Variants in DLG1 observed in about 807,000 individuals in gnomAD.
The protein encoded by DLG1 is disks large homolog 1.
DLG1 carries 42 observed loss-of-function variants against 123.4 expected under a neutral mutation model. The ratio of observed to expected loss-of-function variants is 0.34; its 90% CI spans 0.27 to 0.44. DLG1 has a LOEUF of 0.44. DLG1 is among the 20% of genes least tolerant of loss of function. DLG1 has a pLI of 1.00. For missense variants in DLG1, 942 were observed against 1,082.6 expected (o/e 0.87, Z 1.82); for synonymous variants, 317 against 356.2 (o/e 0.89, Z 1.24).
upstream of DLG1, chr3:197,298,919 G>T: frequency 4.4e-6 from 1 of 227,664 alleles, no homozygotes; most frequent in East Asian, 8.7e-5. Flanking sequence ...ACTTAAGGGT[G>T]GGCAGAGAAG....
At chr3:197,116,327 GA>G (rs143093283) in intron 12 of DLG1, among the ~76,000 whole-genome samples, 1 of 151,294 alleles carries the variant, frequency 6.6e-6, no homozygotes, top group South Asian at 2.1e-4. Context: ...AACCAAAACA[GA>G]AAAAAAACGT....
intron 4 of DLG1, among the ~76,000 whole-genome samples, chr3:197,202,855 A>G (rs985228130): frequency 6.6e-6 from 1 of 152,226 alleles, no homozygotes; most frequent in Non-Finnish European, 1.5e-5. Flanking sequence ...ATTACTTTAA[A>G]TAAGTCTGCA....
At chr3:197,215,100 C>T (rs551785479) in intron 4 of DLG1, among the ~76,000 whole-genome samples, 10 of 152,080 alleles carry the variant, frequency 6.6e-5, no homozygotes, top group African/African-American at 1.4e-4. Flanking sequence ...GTGATAGCAG[C>T]GAAACTTGTT....
At chr3:197,228,749 T>G (rs1741269016) in intron 4 of DLG1, among the ~76,000 whole-genome samples, 1 of 152,192 alleles carries the variant, frequency 6.6e-6, no homozygotes, top group Admixed American at 6.5e-5. Context: ...CAAATCAATA[T>G]CCCAGATACA....
intron 10 of DLG1, among the ~76,000 whole-genome samples, chr3:197,134,172 T>C (rs6803606): frequency 0.28 from 42,724 of 152,048 alleles, 6,410 homozygotes; most frequent in Middle Eastern, 0.38. Context: ...GTGGTGATCT[T>C]AGCTGTGAAA....
chr3:197,067,359 A>C (rs1740310521), intron 19 of DLG1, among the ~76,000 whole-genome samples: 1 of 152,130 alleles, frequency 6.6e-6, no homozygotes, highest in Non-Finnish European at 1.5e-5. Flanking sequence ...AATCCTTCCA[A>C]GAAAATAAAC....
chr3:197,107,232 G>A (rs941611204), intron 13 of DLG1, among the ~76,000 whole-genome samples: 6 of 152,002 alleles, frequency 3.9e-5, no homozygotes, highest in South Asian at 2.1e-4. Flanking sequence ...TAAATAATGC[G>A]CCACTAAAAT....
Position 197,128,681 on chromosome 3 carries a change from A to G in DLG1, c.1165+1846T>C, listed in dbSNP as rs1161496709. ...TATAAAATGTATTTCTTAAATAGTA[A>G]GACTTGAAAGTCAAAATTATTCCTT... On this transcript the variant is annotated intron_variant, in intron 11 of 24. Coordinates refer to ENST00000667157, the MANE Select transcript of DLG1 (RefSeq NM_001366207.1). 2.0e-5 allele frequency among the ~76,000 whole-genome samples: 3 copies of G among 152,246 alleles called. No homozygotes were observed. In the East Asian group the frequency reaches 5.8e-4, roughly 29 times the overall value.
At chr3:197,225,394 G>A (rs577432032) in intron 4 of DLG1, among the ~76,000 whole-genome samples, 4 of 152,172 alleles carry the variant, frequency 2.6e-5, no homozygotes, top group African/African-American at 9.6e-5. Context: ...GGTTCTTTTG[G>A]TGTTTATTTT....
At chr3:197,250,965 A>G (rs535725237) in intron 4 of DLG1, among the ~76,000 whole-genome samples, 48 of 147,952 alleles carry the variant, frequency 3.2e-4, no homozygotes, top group African/African-American at 1.2e-3. Context: ...CCTGGGCAAC[A>G]GAGCAAGACT....
intron 4 of DLG1, among the ~76,000 whole-genome samples, chr3:197,225,036 A>C (rs1157818067): frequency 6.6e-6 from 1 of 152,216 alleles, no homozygotes; most frequent in African/African-American, 2.4e-5. Context: ...GGCTCACTGC[A>C]AGCTCCGCCT....
chr3:197,130,594 A>G lies in DLG1; in HGVS notation c.1098T>C (p.Tyr366=), dbSNP rs771060112. 1.9e-6 allele frequency: 3 copies of G among 1,612,382 alleles called. No homozygotes were observed. In the African/African-American group the frequency reaches 4.0e-5, roughly 22 times the overall value. Residue 366 remains tyrosine, a synonymous_variant, in exon 11 of 25, where the codon TAT becomes TAC. Coordinates refer to ENST00000667157, the MANE Select transcript of DLG1 (RefSeq NM_001366207.1). Reference sequence around the variant, plus strand: ...TACTTGTGGGTTTTGCCACTTTCAAATAAACAAAATCAGATGTGTTCTTTA... The same window carrying G: ...TACTTGTGGGTTTTGCCACTTTCAAGTAAACAAAATCAGATGTGTTCTTTA... ...TALKNTSDFV[Y]LKVAKPTSMY...
chr3:197,279,613 T>C (rs943720515), intron 4 of DLG1, among the ~76,000 whole-genome samples: 2 of 152,212 alleles, frequency 1.3e-5, no homozygotes, highest in African/African-American at 4.8e-5. Context: ...CTTTTTCTCC[T>C]ATTCCCTTGA....
chr3:197,060,957 C>T (rs1735355819), intron 22 of DLG1, among the ~76,000 whole-genome samples: 2 of 152,286 alleles, frequency 1.3e-5, no homozygotes, highest in Non-Finnish European at 2.9e-5. Context: ...GTGTGCGCCA[C>T]CACACCCAGC....
rs34377415 is a variant in DLG1 at position 197,145,055 on chromosome 3, TCACA to T, written c.538-2291_538-2288del. 1.4e-3 allele frequency among the ~76,000 whole-genome samples: 202 copies of T among 148,742 alleles called. 1 individual carries two copies. Among genetic ancestry groups the T allele is most frequent in the Non-Finnish European group, 6.4e-4 (43 of 67,224 alleles). On this transcript the variant is annotated intron_variant, in intron 6 of 24. Coordinates refer to ENST00000667157, the MANE Select transcript of DLG1 (RefSeq NM_001366207.1). Reference sequence around the variant, plus strand: ...CGCTTGCTTGCTCTCTCTCTCTCTCTCACACACACACACACACACACACACGTAA... The same window carrying T: ...CGCTTGCTTGCTCTCTCTCTCTCTCTCACACACACACACACACACACGTAA...
At chr3:197,190,934 C>T (rs532292300) in intron 5 of DLG1, among the ~76,000 whole-genome samples, 2 of 152,178 alleles carry the variant, frequency 1.3e-5, no homozygotes, top group African/African-American at 4.8e-5. Context: ...GGCGTGAACC[C>T]GGGAGGCGGA....
chr3:197,212,436 T>C (rs146602767), intron 4 of DLG1, among the ~76,000 whole-genome samples: 5 of 152,378 alleles, frequency 3.3e-5, no homozygotes, highest in African/African-American at 1.2e-4. Context: ...CTGTTCGCAC[T>C]GAAAACCCTA....
intron 5 of DLG1, among the ~76,000 whole-genome samples, chr3:197,190,209 AAGG>A (rs895602651): frequency 6.6e-6 from 1 of 152,108 alleles, no homozygotes; most frequent in African/African-American, 2.4e-5. Context: ...CTCACTCTAG[AAGG>A]AGGATTCGAC....
chr3:197,097,936 T>C (rs1761544304), intron 14 of DLG1, among the ~76,000 whole-genome samples: 1 of 152,108 alleles, frequency 6.6e-6, no homozygotes, highest in Non-Finnish European at 1.5e-5. Flanking sequence ...TTTTACTTCC[T>C]AGAAAACAAC....
Sources: gnomAD v4.1 joint callset for allele counts (sites outside exome capture counted in the v4.1 genomes callset) on GRCh38, gnomAD v4.1.1 for gene constraint, MANE v1.5 for transcripts, NCBI Gene and HGNC (gene_info 2026-07-23, HGNC 2026-07-21) for gene names.